The following PRKG1 variants were observed in gnomAD, a reference collection of about 807,000 sequenced individuals.
PRKG1 encodes the protein protein kinase cGMP-dependent 1, also known as cGMP-dependent protein kinase 1.
In PRKG1, 35 loss-of-function variants were observed where a neutral mutation model predicts 88.1. That is an observed-to-expected ratio of 0.40 (90% CI 0.30 to 0.53). The LOEUF is 0.53. Among genes scored for constraint, PRKG1 ranks in the 20% least tolerant of loss-of-function variants. The pLI is 0.59. For synonymous variants in PRKG1, 303 were observed against 292.5 expected, an observed-to-expected ratio of 1.04 and a Z score of -0.37; for missense variants, 540 against 839.8, an observed-to-expected ratio of 0.64 and a Z score of 4.41.
intron 2 of PRKG1, among the ~76,000 whole-genome samples, chr10:51,174,709 G>A (rs1009676314): frequency 1.3e-5 from 2 of 151,908 alleles, no homozygotes; most frequent in Admixed American, 1.3e-4. Flanking sequence ...ATTGATAATG[G>A]CAGAATTGGT....
intron 3 of PRKG1, among the ~76,000 whole-genome samples, chr10:51,726,625 T>G (rs1194739101): frequency 6.6e-6 from 1 of 152,250 alleles, no homozygotes; most frequent in Non-Finnish European, 1.5e-5. Flanking sequence ...GTGTATACAT[T>G]GCACTTTTTA....
chr10:51,045,312 T>C (rs1448206427), intron 1 of PRKG1, among the ~76,000 whole-genome samples: 1 of 128,020 alleles, frequency 7.8e-6, no homozygotes, highest in Non-Finnish European at 1.6e-5. Context: ...AAAAAATATT[T>C]ATTTATTTAT....
At chr10:51,992,512 C>CT (rs1388525136) in intron 5 of PRKG1, among the ~76,000 whole-genome samples, 1 of 151,570 alleles carries the variant, frequency 6.6e-6, no homozygotes, top group South Asian at 2.1e-4. Flanking sequence ...CCTATTCCCA[C>CT]TTCCCTTCAT....
intron 9 of PRKG1, among the ~76,000 whole-genome samples, chr10:52,234,574 G>C (rs1840626984): frequency 6.8e-6 from 1 of 146,346 alleles, no homozygotes. Flanking sequence ...AGCAATGGAA[G>C]ATGAAATGAA....
chr10:51,085,959 C>T (rs913452268), intron 1 of PRKG1, among the ~76,000 whole-genome samples: 5 of 152,068 alleles, frequency 3.3e-5, no homozygotes, highest in South Asian at 2.1e-4. Flanking sequence ...AATTTTACTT[C>T]GATTCTTTGT....
intron 2 of PRKG1, among the ~76,000 whole-genome samples, chr10:51,186,954 T>TTATATATATATATATATATA (rs3061211): frequency 2.3e-5 from 3 of 131,262 alleles, no homozygotes; most frequent in African/African-American, 6.0e-5. Context: ...AGGCCCTGTG[T>TTATATATATATATATATATA]TATATATATA....
At chr10:52,064,065 T>C (rs1846299928) in intron 7 of PRKG1, among the ~76,000 whole-genome samples, 1 of 152,178 alleles carries the variant, frequency 6.6e-6, no homozygotes, top group Admixed American at 6.5e-5. Context: ...AGGCCCTCCC[T>C]GGTCTGAAGG....
intron 2 of PRKG1, among the ~76,000 whole-genome samples, chr10:51,336,288 G>A (rs1383199491): frequency 6.6e-6 from 1 of 152,152 alleles, no homozygotes; most frequent in Non-Finnish European, 1.5e-5. Flanking sequence ...GGGAGGCAGA[G>A]TTTGCAGTGA....
At chr10:51,323,448 T>C (rs1841505233) in intron 2 of PRKG1, among the ~76,000 whole-genome samples, 1 of 152,148 alleles carries the variant, frequency 6.6e-6, no homozygotes, top group Non-Finnish European at 1.5e-5. Flanking sequence ...AGCTGAGTAA[T>C]CAAGAACAAG....
At chr10:51,743,659 AATAT>A (rs1410606660) in intron 3 of PRKG1, among the ~76,000 whole-genome samples, 2 of 136,978 alleles carry the variant, frequency 1.5e-5, no homozygotes, top group Non-Finnish European at 3.1e-5. Context: ...ATATAAACTA[AATAT>A]ATATATATTT....
At chr10:51,289,184 A>G (rs1840518912) in intron 2 of PRKG1, among the ~76,000 whole-genome samples, 1 of 152,202 alleles carries the variant, frequency 6.6e-6, no homozygotes, top group Non-Finnish European at 1.5e-5. Context: ...AAGTCCAGGC[A>G]GCCAACTTTG....
chr10:51,545,156 T>C (rs994803498), intron 3 of PRKG1, among the ~76,000 whole-genome samples: 1 of 152,056 alleles, frequency 6.6e-6, no homozygotes, highest in African/African-American at 2.4e-5. Flanking sequence ...ATGTGCATCA[T>C]TCAAACCTAA....
intron 5 of PRKG1, among the ~76,000 whole-genome samples, chr10:51,959,515 G>A (rs1365968650): frequency 6.6e-6 from 1 of 152,156 alleles, no homozygotes; most frequent in African/African-American, 2.4e-5. Flanking sequence ...TTGTATCTCA[G>A]TTCCAGCTTT....
chr10:51,574,435 A>C (rs930304333), intron 3 of PRKG1, among the ~76,000 whole-genome samples: 1 of 151,940 alleles, frequency 6.6e-6, no homozygotes, highest in African/African-American at 2.4e-5. Flanking sequence ...AGTCAAGGAT[A>C]GGGAGGGGAG....
chr10:51,913,425 A>G (rs184880115), intron 5 of PRKG1, among the ~76,000 whole-genome samples: 1 of 152,262 alleles, frequency 6.6e-6, no homozygotes, highest in Admixed American at 6.5e-5. Flanking sequence ...GTCCATGTGC[A>G]CTCAATGTTT....
At chr10:51,201,299 T>C (rs1216800703) in intron 2 of PRKG1, among the ~76,000 whole-genome samples, 1 of 151,772 alleles carries the variant, frequency 6.6e-6, no homozygotes, top group Non-Finnish European at 1.5e-5. Context: ...TACAAATACA[T>C]AAGTTAGCCG....
chr10:51,878,994 C>T (rs185130079), intron 4 of PRKG1, among the ~76,000 whole-genome samples: 3 of 152,192 alleles, frequency 2.0e-5, no homozygotes, highest in Admixed American at 2.0e-4. Flanking sequence ...CATTACTGAC[C>T]TATCTATAAC....
chr10:51,475,218 C>G (rs1365700320), intron 3 of PRKG1, among the ~76,000 whole-genome samples: 15 of 151,948 alleles, frequency 9.9e-5, no homozygotes. Context: ...CTACCCATAC[C>G]TAATGTATGA....
intron 4 of PRKG1, among the ~76,000 whole-genome samples, chr10:51,846,317 G>C (rs1840396277): frequency 6.6e-6 from 1 of 152,064 alleles, no homozygotes; most frequent in Non-Finnish European, 1.5e-5. Flanking sequence ...ACCAAAGAAA[G>C]GAAAACTAAT....
Sources: gnomAD v4.1 joint callset for allele counts (sites outside exome capture counted in the v4.1 genomes callset) on GRCh38, gnomAD v4.1.1 for gene constraint, MANE v1.5 for transcripts, NCBI Gene and HGNC (gene_info 2026-07-23, HGNC 2026-07-21) for gene names.